FSTL5: variants seen among roughly 807,000 people sequenced by gnomAD.
FSTL5 encodes follistatin like 5.
In FSTL5, 62 loss-of-function variants were observed where a neutral mutation model predicts 89.1. The ratio of observed to expected loss-of-function variants is 0.70; its 90% CI spans 0.57 to 0.86. The LOEUF (loss-of-function observed/expected upper bound fraction) is 0.86, where lower values mean the gene tolerates loss of function less well. Ranked by LOEUF, FSTL5 falls within the 40% of genes least tolerant of loss-of-function variation. The probability of loss-of-function intolerance (pLI) is 0.00; values close to 1 mark genes in which losing one functional copy is unlikely to be tolerated. For synonymous variants in FSTL5, 383 were observed against 346.2 expected (o/e 1.11, Z -1.18); for missense variants, 1,057 against 1,001.6 (o/e 1.06, Z -0.75).
At chr4:161,890,336 C>T (rs1384576735) in intron 4 of FSTL5, among the ~76,000 whole-genome samples, 2 of 151,972 alleles carry the variant, frequency 1.3e-5, no homozygotes, top group African/African-American at 4.8e-5. Flanking sequence ...TTTGGATGGA[C>T]GATAGTGCAA....
chr4:161,448,214 T>C (rs902151601), intron 15 of FSTL5, among the ~76,000 whole-genome samples: 1 of 152,172 alleles, frequency 6.6e-6, no homozygotes, highest in African/African-American at 2.4e-5. Flanking sequence ...CACTGAATTG[T>C]GACTTTTGTG....
intron 11 of FSTL5, 21 bp downstream of exon 11, chr4:161,510,377 A>G (rs1392376843): frequency 1.4e-5 from 21 of 1,475,968 alleles, no homozygotes; most frequent in Non-Finnish European, 1.9e-5. Context: ...GTCACAACAT[A>G]AAAATAATTC....
At chr4:161,673,811 T>G (rs1737203835) in intron 6 of FSTL5, among the ~76,000 whole-genome samples, 2 of 151,978 alleles carry the variant, frequency 1.3e-5, no homozygotes, top group Admixed American at 6.6e-5. Context: ...TTTATATTCA[T>G]ATTAAATTAT....
At chr4:161,752,117 G>C (rs182922462) in intron 6 of FSTL5, among the ~76,000 whole-genome samples, 2 of 152,060 alleles carry the variant, frequency 1.3e-5, no homozygotes, top group Non-Finnish European at 2.9e-5. Context: ...TTAAATAGCA[G>C]AGATACAAAA....
chr4:161,618,697 T>A (rs1156967769), intron 7 of FSTL5, among the ~76,000 whole-genome samples: 1 of 152,180 alleles, frequency 6.6e-6, no homozygotes, highest in Non-Finnish European at 1.5e-5. Flanking sequence ...GTGGATAACC[T>A]TTTTGATGTG....
intron 4 of FSTL5, among the ~76,000 whole-genome samples, chr4:161,784,945 A>G (rs1741843216): frequency 6.6e-6 from 1 of 151,762 alleles, no homozygotes; most frequent in Admixed American, 6.6e-5. Flanking sequence ...ATCCACATCT[A>G]TGAAATCATA....
At chr4:161,545,778 G>A (rs1011299869) in intron 8 of FSTL5, among the ~76,000 whole-genome samples, 3 of 151,838 alleles carry the variant, frequency 2.0e-5, no homozygotes, top group South Asian at 2.1e-4. Flanking sequence ...AGTCATAGAT[G>A]GAATACCTCT....
chr4:161,991,486 A>C (rs928263870), intron 3 of FSTL5, among the ~76,000 whole-genome samples: 3 of 152,190 alleles, frequency 2.0e-5, no homozygotes, highest in African/African-American at 7.2e-5. Flanking sequence ...AACTCATTTG[A>C]AAATGTGCAT....
intron 3 of FSTL5, among the ~76,000 whole-genome samples, chr4:161,977,120 T>C (rs1735672647): frequency 6.6e-6 from 1 of 152,156 alleles, no homozygotes; most frequent in African/African-American, 2.4e-5. Flanking sequence ...GAGAAGAAAT[T>C]ACAATGCCTG....
At chr4:161,438,387 A>T (rs963421837) in intron 15 of FSTL5, among the ~76,000 whole-genome samples, 1 of 152,122 alleles carries the variant, frequency 6.6e-6, no homozygotes, top group Non-Finnish European at 1.5e-5. Context: ...TGCTACTTAG[A>T]AATAAGTGAG....
At chr4:161,401,779 G>A (rs775352525) in intron 15 of FSTL5, among the ~76,000 whole-genome samples, 18 of 152,022 alleles carry the variant, frequency 1.2e-4, no homozygotes, top group East Asian at 1.2e-3. Flanking sequence ...TGCCCACCTC[G>A]GCCTCCCAAA....
intron 6 of FSTL5, among the ~76,000 whole-genome samples, chr4:161,671,279 C>T (rs1016100202): frequency 3.3e-5 from 5 of 152,146 alleles, no homozygotes; most frequent in Non-Finnish European, 5.9e-5. Flanking sequence ...TTCCCATGGA[C>T]CTAGGCTTGG....
intron 10 of FSTL5, among the ~76,000 whole-genome samples, chr4:161,536,546 C>T (rs565102445): frequency 1.8e-4 from 28 of 152,206 alleles, no homozygotes; most frequent in South Asian, 4.1e-4. Context: ...TCCGTAGTTG[C>T]TAATATTCTA....
intron 10 of FSTL5, among the ~76,000 whole-genome samples, chr4:161,532,972 A>G (rs909508298): frequency 6.6e-6 from 1 of 152,118 alleles, no homozygotes; most frequent in Non-Finnish European, 1.5e-5. Flanking sequence ...TTGCTTCTGA[A>G]CAACTCTTGA....
At chr4:161,538,675 G>A (rs1731717077) in intron 9 of FSTL5, among the ~76,000 whole-genome samples, 1 of 152,026 alleles carries the variant, frequency 6.6e-6, no homozygotes, top group African/African-American at 2.4e-5. Flanking sequence ...AATATGATTA[G>A]TTTGCAGGTA....
chr4:161,638,523 A>G (rs1201780228), intron 7 of FSTL5, among the ~76,000 whole-genome samples: 2 of 151,994 alleles, frequency 1.3e-5, no homozygotes, highest in South Asian at 4.1e-4. Context: ...ACCAACCAAA[A>G]AGAGTCCAGG....
At chr4:161,592,911 T>C (rs1266579298) in intron 7 of FSTL5, among the ~76,000 whole-genome samples, 1 of 152,200 alleles carries the variant, frequency 6.6e-6, no homozygotes, top group African/African-American at 2.4e-5. Flanking sequence ...CATTCCTATT[T>C]CTCCACATCC....
At chr4:162,073,994 A>G (rs914990228) in intron 2 of FSTL5, among the ~76,000 whole-genome samples, 3 of 151,770 alleles carry the variant, frequency 2.0e-5, no homozygotes, top group African/African-American at 7.2e-5. Flanking sequence ...CACATCTCTC[A>G]GTTGTTCCAC....
chr4:161,678,987 T>C (rs139853916), intron 6 of FSTL5, among the ~76,000 whole-genome samples: 3 of 151,890 alleles, frequency 2.0e-5, no homozygotes, highest in Non-Finnish European at 3.0e-5. Flanking sequence ...TTAAACACTA[T>C]GTATGTGCTA....
Sources: gnomAD v4.1 joint callset for allele counts (sites outside exome capture counted in the v4.1 genomes callset) on GRCh38, gnomAD v4.1.1 for gene constraint, MANE v1.5 for transcripts, NCBI Gene and HGNC (gene_info 2026-07-23, HGNC 2026-07-21) for gene names.